The following PLEKHH2 variants were observed in gnomAD, a reference collection of about 807,000 sequenced individuals.
The protein encoded by PLEKHH2 is pleckstrin homology domain-containing family H member 2.
Under a neutral mutation model 187.9 loss-of-function variants are expected in PLEKHH2, and 129 were observed. The observed-to-expected ratio is 0.69, with a 90% CI of 0.59 to 0.79. The LOEUF (loss-of-function observed/expected upper bound fraction) is 0.79. Among genes scored for constraint, PLEKHH2 ranks in the 30% least tolerant of loss-of-function variants. The probability of loss-of-function intolerance (pLI) is 0.00; values close to 1 mark genes in which losing one functional copy is unlikely to be tolerated. For missense variants in PLEKHH2, 2,076 were observed against 1,751.2 expected (o/e 1.19, Z -3.31); for synonymous variants, 686 against 605.6 (o/e 1.13, Z -1.95).
At chr2:43,666,676 G>T (rs1465181432) in intron 2 of PLEKHH2, among the ~76,000 whole-genome samples, 1 of 152,074 alleles carries the variant, frequency 6.6e-6, no homozygotes, top group Non-Finnish European at 1.5e-5. Context: ...TTTCATTTTA[G>T]TTCTAATTTG....
intron 5 of PLEKHH2, 111 bp downstream of exon 5, chr2:43,694,625 T>G (rs1231621617): frequency 4.4e-6 from 5 of 1,148,822 alleles, no homozygotes; most frequent in Non-Finnish European, 5.8e-6. Context: ...GATCGGTTGG[T>G]GATACTGCTA....
chr2:43,694,366 T>C, intron 4 of PLEKHH2, 65 bp from the exon 5 acceptor site: 3 of 1,475,428 alleles, frequency 2.0e-6, no homozygotes, highest in Non-Finnish European at 2.7e-6. Context: ...TGTATATTTA[T>C]GGTAAAACAT....
At chr2:43,638,507 T>C (rs1391442941) in intron 1 of PLEKHH2, among the ~76,000 whole-genome samples, 2 of 152,228 alleles carry the variant, frequency 1.3e-5, no homozygotes, top group African/African-American at 4.8e-5. Context: ...TTATCTTATG[T>C]CAGTAAATAC....
At chr2:43,650,650 CT>C (rs111734015) in intron 2 of PLEKHH2, among the ~76,000 whole-genome samples, 363 of 141,160 alleles carry the variant, frequency 2.6e-3, no homozygotes, top group Middle Eastern at 3.7e-3. Context: ...TTTCTTTTTT[CT>C]TTTTTTTTTT....
At chr2:43,683,142 C>CTTTTTTTTTTTTTTTTTTTTTTTCCCT (rs34805310) in intron 3 of PLEKHH2, among the ~76,000 whole-genome samples, 3 of 94,562 alleles carry the variant, frequency 3.2e-5, no homozygotes, top group African/African-American at 4.3e-5. Context: ...TTTATATACC[C>CTTTTTTTTTTTTTTTTTTTTTTTCCCT]TTTTTTTTTT....
chr2:43,702,448 G>T (rs566185397), intron 8 of PLEKHH2, among the ~76,000 whole-genome samples: 1 of 148,796 alleles, frequency 6.7e-6, no homozygotes, highest in Non-Finnish European at 1.5e-5. Flanking sequence ...TTGAAATTTT[G>T]CCTATCTTAT....
Position 43,726,478 on chromosome 2 carries a change from A to G in PLEKHH2, c.2721+27A>G, listed in dbSNP as rs752732342. 3.3e-6 allele frequency: 5 copies of G among 1,531,452 alleles called. No homozygotes were observed. In the Admixed American group the frequency reaches 6.8e-5, roughly 21 times the overall value. 94.9% of individuals were successfully genotyped at this position (1,531,452 alleles called of 1,614,324 possible). ...TATTCAAAGACTTATTGGTTGATTTAGAATGATGTAGACTAATATTATTCA... is the reference window on the plus strand; with the variant it reads ...TATTCAAAGACTTATTGGTTGATTTGGAATGATGTAGACTAATATTATTCA... On this transcript the variant is annotated intron_variant, in intron 17 of 29. Coordinates refer to ENST00000282406, the MANE Select transcript of PLEKHH2 (RefSeq NM_172069.4).
In PLEKHH2 at chr2:43,710,235, T is replaced by C. The variant is rs747278419; in HGVS notation, c.2119T>C (p.Ser707Pro). The C allele has an allele frequency of 1.9e-6, 3 of 1,613,994 alleles. No individual in the cohort carries two copies. Among genetic ancestry groups the C allele is most frequent in the Non-Finnish European group, 2.5e-6 (3 of 1,179,952 alleles). The change falls in exon 13 of 30, where the codon TCT (serine) becomes CCT (proline). Residue 707 changes from serine to proline, a missense_variant. Physicochemically the swap from Ser to Pro is moderately conservative, Grantham distance 74. Transcript: ENST00000282406. ...TAAAAATTAGGAACCACTGGAAAAA[T>C]CTGGTTATTTATTAAAAATGAGTGG... The part of the protein sequence containing the change: ...DNGKNEPLEK[S>P]GYLLKMSGKV...
At chr2:43,654,686 T>C (rs2104359350) in intron 2 of PLEKHH2, among the ~76,000 whole-genome samples, 1 of 137,888 alleles carries the variant, frequency 7.3e-6, no homozygotes, top group Admixed American at 7.4e-5. Flanking sequence ...AAGACCAGCT[T>C]GGGCAACATA....
Position 43,700,399 on chromosome 2 carries a change from C to G in PLEKHH2, c.1441C>G (p.Pro481Ala). 6.2e-7 allele frequency: 1 copy of G among 1,614,052 alleles called. No individual in the cohort carries two copies. Among genetic ancestry groups the G allele is most frequent in the Non-Finnish European group, 8.5e-7 (1 of 1,180,020 alleles). ...TNRNAISMIR[P>A]LRPQETDLDL... is the part of the protein sequence containing the mutation. ...TAGAAACGCTATAAGCATGATACGA[C>G]CACTGAGACCTCAGGAAACTGATCT... The change falls in exon 8 of 30, where the codon CCA (proline) becomes GCA (alanine). Residue 481 changes from proline to alanine, a missense_variant. By Grantham distance (27) the Pro-to-Ala change is conservative. Transcript: ENST00000282406.
chr2:43,659,283 C>T (rs1666948362), intron 2 of PLEKHH2, among the ~76,000 whole-genome samples: 2 of 151,918 alleles, frequency 1.3e-5, no homozygotes, highest in Admixed American at 6.6e-5. Flanking sequence ...AGGCGTGAGC[C>T]ACCAAGCCTG....
rs564733574 is a variant in PLEKHH2, at chr2:43,696,895, G to A, written c.503-276G>A. ...ATTTATAATCTGTTTGTGTTTTGTC[G>A]TTGCTTAGAACTAACTACTCTTAAA... is the stretch of plus-strand genomic sequence containing the variant. On this transcript the variant is annotated intron_variant, in intron 6 of 29. Transcript: ENST00000282406. Among the ~76,000 whole-genome samples, 12 of 152,214 alleles carry A rather than the reference G, an allele frequency of 7.9e-5. No homozygotes were observed. The South Asian group carries it at 1.7e-3, about 21-fold the overall frequency.
At chr2:43,639,733 T>G (rs950803071) in intron 1 of PLEKHH2, among the ~76,000 whole-genome samples, 1 of 143,602 alleles carries the variant, frequency 7.0e-6, no homozygotes, top group Admixed American at 7.3e-5. Flanking sequence ...CTCAGCTCAC[T>G]GCAACTTCTG....
At chr2:43,736,458 G>C (rs1427109927) in intron 19 of PLEKHH2, among the ~76,000 whole-genome samples, 1 of 152,184 alleles carries the variant, frequency 6.6e-6, no homozygotes, top group African/African-American at 2.4e-5. Context: ...GCTGTGCAGA[G>C]AGGGAGCACC....
chr2:43,693,076 C>T (rs1558501495), intron 4 of PLEKHH2, among the ~76,000 whole-genome samples: 2 of 150,346 alleles, frequency 1.3e-5, no homozygotes. Context: ...TATGGGCATA[C>T]ACCACGACAC....
In PLEKHH2 at chr2:43,762,294, C is replaced by A; in HGVS notation, c.4072-10C>A. Reference sequence around the variant, plus strand: ...TATTTATAATATAGTGTATTTTCACCTCTTCATAGCCCATAACTCCATCAT... The same window carrying A: ...TATTTATAATATAGTGTATTTTCACATCTTCATAGCCCATAACTCCATCAT... On this transcript the variant is annotated splice_polypyrimidine_tract_variant and intron_variant, in intron 27 of 29. Coordinates refer to ENST00000282406, the MANE Select transcript of PLEKHH2 (RefSeq NM_172069.4). The A allele has an allele frequency of 6.3e-7, 1 of 1,595,166 alleles. No homozygotes were observed. Among genetic ancestry groups the A allele is most frequent in the Non-Finnish European group, 8.6e-7 (1 of 1,163,426 alleles).
intron 3 of PLEKHH2, among the ~76,000 whole-genome samples, chr2:43,687,109 A>C (rs889031438): frequency 6.6e-6 from 1 of 152,190 alleles, no homozygotes; most frequent in African/African-American, 2.4e-5. Context: ...GGCAGTGAAC[A>C]TAGTACCCAA....
chr2:43,729,598 C>T, intron 17 of PLEKHH2, 39 bp from the exon 18 acceptor site: 1 of 1,301,046 alleles, frequency 7.7e-7, no homozygotes, highest in South Asian at 1.5e-5. Context: ...TTAATCAAAA[C>T]TGTGTCTTAA....
Position 43,700,453 on chromosome 2 carries a change from G to A in PLEKHH2, c.1495G>A (p.Val499Ile). 1 of 1,614,100 alleles carries A rather than the reference G, an allele frequency of 6.2e-7. No individual in the cohort carries two copies. Among genetic ancestry groups the A allele is most frequent in the South Asian group, 1.1e-5 (1 of 91,076 alleles). ...TCTAGTTGATGGAGACAGTACAGAA[G>A]TTTTAGAGAATATGGACACGAGTTG... ...LDLVDGDSTE[V>I]LENMDTSCDD... Residue 499 changes from valine to isoleucine, a missense_variant, in exon 8 of 30, where the codon GTT becomes ATT. Transcript: ENST00000282406.
Sources: gnomAD v4.1 joint callset for allele counts (sites outside exome capture counted in the v4.1 genomes callset) on GRCh38, gnomAD v4.1.1 for gene constraint, MANE v1.5 for transcripts, NCBI Gene and HGNC (gene_info 2026-07-23, HGNC 2026-07-21) for gene names.